Variants in SLC22A16 observed in about 807,000 individuals in gnomAD.
SLC22A16 encodes WUGSC:RG331P03.1.
SLC22A16 carries 53 observed loss-of-function variants against 52.9 expected under a neutral mutation model. That is an observed-to-expected ratio of 1.00 (90% confidence interval 0.80 to 1.26). The LOEUF (loss-of-function observed/expected upper bound fraction) is 1.26. Ranked by LOEUF, SLC22A16 falls within the 50% of genes most tolerant of loss-of-function variation. SLC22A16 has a pLI of 0.00. For synonymous variants in SLC22A16, 291 were observed against 268.8 expected (o/e 1.08, Z -0.81); for missense variants, 726 against 704.0 (o/e 1.03, Z -0.35).
intron 7 of SLC22A16, among the ~76,000 whole-genome samples, chr6:110,427,265 GAAAA>G (rs1221374329): frequency 8.6e-6 from 1 of 116,828 alleles, no homozygotes; most frequent in African/African-American, 3.6e-5. Flanking sequence ...AAAAAAAAAA[GAAAA>G]AAAAGAAAGA....
chr6:110,467,141 G>C (rs886589743), intron 1 of SLC22A16, among the ~76,000 whole-genome samples: 3 of 152,116 alleles, frequency 2.0e-5, no homozygotes, highest in African/African-American at 7.2e-5. Context: ...CTCACATTTT[G>C]AGACCTGCTG....
rs73764929 is a variant in SLC22A16 at position 110,476,051 on chromosome 6, G to T, written c.53+471C>A. ...TAAACGGCAACCAACTCTGACTAAC[G>T]GTTGTCCCTGGGGAACACCTGCCAG... On this transcript the variant is annotated intron_variant, in intron 1 of 7. Transcript: ENST00000368919. The T allele has an allele frequency of 1.3e-4, 57 of 455,636 alleles. 1 individual carries two copies. Among genetic ancestry groups the T allele is most frequent in the African/African-American group, 1.0e-3 (50 of 50,052 alleles). The allele number at this position is 455,636 out of a possible 1,614,324, so 28.2% of individuals were successfully genotyped here.
chr6:110,446,829 T>C, intron 3 of SLC22A16, 44 bp downstream of exon 3: 2 of 1,542,604 alleles, frequency 1.3e-6, no homozygotes, highest in Non-Finnish European at 1.8e-6. Flanking sequence ...AGGTTTCCTA[T>C]GAAAAACTGC....
chr6:110,430,469 G>T (rs1353126595), intron 7 of SLC22A16, among the ~76,000 whole-genome samples: 1 of 152,046 alleles, frequency 6.6e-6, no homozygotes, highest in East Asian at 1.9e-4. Flanking sequence ...TCAGAAAAGA[G>T]AAAGGAGGCA....
intron 2 of SLC22A16, among the ~76,000 whole-genome samples, chr6:110,450,322 C>G (rs1775327618): frequency 6.6e-6 from 1 of 152,064 alleles, no homozygotes; most frequent in Non-Finnish European, 1.5e-5. Context: ...ATTTTAAAAG[C>G]ATTTACCGGC....
intron 7 of SLC22A16, among the ~76,000 whole-genome samples, chr6:110,426,132 A>C (rs1356484374): frequency 3.9e-5 from 6 of 152,216 alleles, no homozygotes; most frequent in African/African-American, 1.4e-4. Flanking sequence ...GAAATATACG[A>C]AATATATGAG....
At chr6:110,471,607 C>G (rs2114308095) in intron 1 of SLC22A16, among the ~76,000 whole-genome samples, 1 of 152,286 alleles carries the variant, frequency 6.6e-6, no homozygotes, top group Non-Finnish European at 1.5e-5. Context: ...CAGTGTGGAA[C>G]AAAAGAAGCC....
Position 110,476,435 on chromosome 6 carries a change from C to T in SLC22A16, c.53+87G>A. On this transcript the variant is annotated intron_variant, in intron 1 of 7. Coordinates refer to ENST00000368919, the MANE Select transcript of SLC22A16 (RefSeq NM_033125.4). ...AGTGGAGATGTTTTCGGATCGCGAG[C>T]GCCGCGCGAGAACCCCGCCGCAACG... 10 of 1,404,830 alleles carry T rather than the reference C, an allele frequency of 7.1e-6. No homozygotes were observed. The South Asian group carries it at 1.3e-4, about 18-fold the overall frequency. The allele number at this position is 1,404,830 out of a possible 1,614,324, so 87.0% of individuals were successfully genotyped here. A position where few individuals can be genotyped will look rare whatever the true frequency, so the allele number is the denominator to read the frequency against.
chr6:110,458,471 T>G (rs1464174859), intron 1 of SLC22A16, among the ~76,000 whole-genome samples: 1 of 152,228 alleles, frequency 6.6e-6, no homozygotes, highest in African/African-American at 2.4e-5. Flanking sequence ...CTACAGCCAG[T>G]TGGAAGCTGA....
At position 110,456,531 on chromosome 6, in the gene SLC22A16, AT is replaced by A; in HGVS notation, c.533+6del. ...CTGATACAACAATCCTAAATATTTG[AT>A]TTTACCTGTCAGAAAAGTAGCCAAA... is the stretch of plus-strand genomic sequence containing the variant. On this transcript the variant is annotated splice_donor_region_variant and intron_variant, in intron 2 of 7. Transcript: ENST00000368919. The A allele has an allele frequency of 1.2e-6, 2 of 1,613,370 alleles. No homozygotes were observed. The highest frequency in any genetic ancestry group is 1.7e-6 in the Non-Finnish European group (2 of 1,179,436).
chr6:110,429,393 T>A (rs1774405601), intron 7 of SLC22A16, among the ~76,000 whole-genome samples: 1 of 152,240 alleles, frequency 6.6e-6, no homozygotes, highest in Non-Finnish European at 1.5e-5. Flanking sequence ...AAGAGCCGTA[T>A]GTGTACCTGC....
chr6:110,471,454 C>T (rs555119639), intron 1 of SLC22A16, among the ~76,000 whole-genome samples: 2 of 152,344 alleles, frequency 1.3e-5, no homozygotes, highest in South Asian at 4.1e-4. Flanking sequence ...AAAGGCAACT[C>T]ATATAAGCCC....
chr6:110,435,814 G>A, intron 6 of SLC22A16, 38 bp downstream of exon 6: 7 of 1,446,596 alleles, frequency 4.8e-6, no homozygotes, highest in Non-Finnish European at 6.7e-6. Context: ...ACAAGTGAAA[G>A]ATAATAGGAA....
intron 1 of SLC22A16, chr6:110,474,946 G>A (rs750932735): frequency 7.7e-6 from 4 of 518,944 alleles, no homozygotes; most frequent in Admixed American, 5.8e-5. Context: ...TTGAGTTACT[G>A]TAAGGATGAG....
intron 7 of SLC22A16, among the ~76,000 whole-genome samples, chr6:110,428,992 G>A (rs541819861): frequency 7.2e-5 from 11 of 152,220 alleles, no homozygotes; most frequent in African/African-American, 1.2e-4. Flanking sequence ...TTCTGAGTCC[G>A]TAGTCCTTAA....
Position 110,431,216 on chromosome 6 carries a change from C to A in SLC22A16, c.1476G>T (p.Ala492=), listed in dbSNP as rs140728757. Residue 492 remains alanine, a synonymous_variant, in exon 7 of 8, where the codon GCG becomes GCT. Transcript: ENST00000368919. ...SMVCRLASIL[A]PFSVDLSSIW... ...TGCTGCTGAGGTCCACAGAGAACGGCGCCAGGATGCTGGCCAGGCGACACA... is the reference window on the plus strand; with the variant it reads ...TGCTGCTGAGGTCCACAGAGAACGGAGCCAGGATGCTGGCCAGGCGACACA... 6.8e-6 allele frequency: 11 copies of A among 1,613,720 alleles called. 1 individual carries two copies. The Admixed American group carries it at 1.2e-4, about 17-fold the overall frequency.
At chr6:110,465,330 C>T (rs533148088) in intron 1 of SLC22A16, among the ~76,000 whole-genome samples, 68 of 151,938 alleles carry the variant, frequency 4.5e-4, no homozygotes, top group African/African-American at 1.6e-3. Context: ...AAAAGGTATC[C>T]AAACTGAAAA....
chr6:110,460,610 T>C (rs1775842388), intron 1 of SLC22A16, among the ~76,000 whole-genome samples: 2 of 151,938 alleles, frequency 1.3e-5, no homozygotes, highest in South Asian at 2.1e-4. Context: ...GAGAATAGAG[T>C]GCCAGGTGAC....
At chr6:110,437,256 T>A (rs1228232344) in intron 5 of SLC22A16, among the ~76,000 whole-genome samples, 1 of 152,148 alleles carries the variant, frequency 6.6e-6, no homozygotes, top group African/African-American at 2.4e-5. Flanking sequence ...TCGTTGTGGG[T>A]TAATGCTCTA....
Sources: gnomAD v4.1 joint callset for allele counts (sites outside exome capture counted in the v4.1 genomes callset) on GRCh38, gnomAD v4.1.1 for gene constraint, MANE v1.5 for transcripts, NCBI Gene and HGNC (gene_info 2026-07-23, HGNC 2026-07-21) for gene names.